Variants in MACF1 observed in about 807,000 individuals in gnomAD.
The protein encoded by MACF1 is microtubule-actin cross-linking factor 1.
In MACF1, 193 loss-of-function variants were observed where a neutral mutation model predicts 854.8. That is an observed-to-expected ratio of 0.23 (90% CI 0.20 to 0.25). MACF1 has a LOEUF of 0.25. Among genes scored for constraint, MACF1 ranks in the 10% least tolerant of loss-of-function variants. The pLI, the probability that MACF1 is intolerant of heterozygous loss-of-function variation, is 1.00. For missense variants in MACF1, 7,722 were observed against 8,929.1 expected (o/e 0.86, Z 5.45); for synonymous variants, 3,185 against 3,226.7 (o/e 0.99, Z 0.44).
intron 2 of MACF1, among the ~76,000 whole-genome samples, chr1:39,107,534 C>T (rs866885960): frequency 2.0e-5 from 3 of 152,232 alleles, no homozygotes; most frequent in South Asian, 2.1e-4. Context: ...AATCTCTCTT[C>T]CCCCCACTGC....
At chr1:39,117,696 C>G (rs1004918788) in intron 2 of MACF1, among the ~76,000 whole-genome samples, 1 of 152,160 alleles carries the variant, frequency 6.6e-6, no homozygotes, top group Non-Finnish European at 1.5e-5. Flanking sequence ...CTGTTAAGAG[C>G]CTCTTTGAAT....
chr1:39,459,288 C>CT, intron 91 of MACF1, 39 bp downstream of exon 91: 1 of 1,575,436 alleles, frequency 6.3e-7, no homozygotes, highest in Non-Finnish European at 8.6e-7. Flanking sequence ...AAACAAAGTG[C>CT]TTTTTTCAAT....
At chr1:39,242,299 G>A (rs1277747099) in intron 2 of MACF1, among the ~76,000 whole-genome samples, 1 of 150,824 alleles carries the variant, frequency 6.6e-6, no homozygotes, top group Non-Finnish European at 1.5e-5. Context: ...GTAATGAGCC[G>A]AGATAGCACC....
chr1:39,295,157 G>C lies in MACF1; in HGVS notation c.2259+7G>C. 1.9e-6 allele frequency: 3 copies of C among 1,610,232 alleles called. No homozygotes were observed. Among genetic ancestry groups the C allele is most frequent in the Non-Finnish European group, 2.5e-6 (3 of 1,176,538 alleles). Reference sequence around the variant, plus strand: ...AGCCAAGCAGACAGTGGAGGTGTGTGACTTGAGAATGTGTGAAGGTCAAAT... The same window carrying C: ...AGCCAAGCAGACAGTGGAGGTGTGTCACTTGAGAATGTGTGAAGGTCAAAT... On this transcript the variant is annotated splice_region_variant and intron_variant, in intron 19 of 100. Coordinates refer to ENST00000564288, the MANE Select transcript of MACF1 (RefSeq NM_001394062.1).
chr1:39,241,659 C>CAAAAAAAA (rs35678466), intron 2 of MACF1, among the ~76,000 whole-genome samples: 2 of 51,478 alleles, frequency 3.9e-5, no homozygotes, highest in Non-Finnish European at 3.6e-5. Flanking sequence ...GACTCCATCT[C>CAAAAAAAA]AAAAAAAAAA....
chr1:39,382,173 G>T, intron 56 of MACF1, 21 bp downstream of exon 56: 2 of 1,606,728 alleles, frequency 1.2e-6, no homozygotes, highest in Non-Finnish European at 1.7e-6. Context: ...TAGCAACAAA[G>T]AAATTGGAAT....
rs71060310 is a variant in MACF1 at position 39,331,172 on chromosome 1, CTTTTTT to C, written c.4615-8_4615-3del. On this transcript the variant is annotated intron_variant, in intron 36 of 100. Transcript: ENST00000564288. The stretch of plus-strand genomic sequence containing the variant: ...TCAGTTTTCTTTTTCTTCTCTTTTC[CTTTTTT>C]TTTTTTTTTTTTTTTTTTTTTTAGG... 333 of 1,302,632 alleles carry C rather than the reference CTTTTTT, an allele frequency of 2.6e-4. No individual in the cohort carries two copies. The African/African-American group carries it at 4.8e-3, about 19-fold the overall frequency. 80.7% of individuals were successfully genotyped at this position (1,302,632 alleles called of 1,614,324 possible). A position where few individuals can be genotyped will look rare whatever the true frequency, so the allele number is the denominator to read the frequency against.
At chr1:39,360,246 T>C (rs565004686) in intron 47 of MACF1, among the ~76,000 whole-genome samples, 71 of 151,386 alleles carry the variant, frequency 4.7e-4, no homozygotes, top group Non-Finnish European at 9.0e-4. Flanking sequence ...CGAAAGATAA[T>C]TATTCTTCCT....
At chr1:39,232,277 G>A (rs74066713) in intron 2 of MACF1, among the ~76,000 whole-genome samples, 2,470 of 151,940 alleles carry the variant, frequency 0.016, 54 homozygotes, top group African/African-American at 0.056. Flanking sequence ...ATAATAATTA[G>A]TGCTTCTCTG....
In MACF1 at chr1:39,385,636, A is replaced by G. The variant is rs777176055; in HGVS notation, c.14051A>G (p.Lys4684Arg). 3 of 1,614,182 alleles carry G rather than the reference A, an allele frequency of 1.9e-6. No individual in the cohort carries two copies. Among genetic ancestry groups the G allele is most frequent in the Middle Eastern group, 1.6e-4 (1 of 6,062 alleles). ...RSSQIDQAIV[K>R]STQYQELLQD... ...AGCCAAATTGACCAAGCTATTGTTA[A>G]GAGCACCCAGTACCAGGAACTGCTC... Residue 4684 changes from lysine (K) to arginine (R), a missense_variant, in exon 57 of 101, where the codon AAG (lysine) becomes AGG (arginine). Transcript: ENST00000564288.
chr1:39,443,494 A>G lies in MACF1; in HGVS notation c.19351A>G (p.Arg6451Gly). Residue 6451 changes from arginine to glycine, a missense_variant, in exon 79 of 101, where the codon AGA (arginine) becomes GGA (glycine). By Grantham distance (125) the Arg-to-Gly change is moderately radical. This residue lies in a region of MACF1 where 729 missense variants were observed against 900.5 expected (regional missense o/e 0.81). Transcript: ENST00000564288. ...EIEDFLLELT[R>G]MESQLSASKP... ...TGAAGATTTCCTCTTGGAACTTACTAGAATGGAGAGCCAGCTTTCTGCATC... is the reference window on the plus strand; with the variant it reads ...TGAAGATTTCCTCTTGGAACTTACTGGAATGGAGAGCCAGCTTTCTGCATC... 1 of 1,613,930 alleles carries G rather than the reference A, an allele frequency of 6.2e-7. No homozygotes were observed. Among genetic ancestry groups the G allele is most frequent in the Non-Finnish European group, 8.5e-7 (1 of 1,179,932 alleles).
rs768300328 is a variant in MACF1, at chr1:39,485,691, G to A, written c.22565G>A (p.Gly7522Asp). The A allele has an allele frequency of 6.2e-7, 1 of 1,613,880 alleles. No homozygotes were observed. The highest frequency in any genetic ancestry group is 8.5e-7 in the Non-Finnish European group (1 of 1,179,990). ...ACTTCAGAAAGCAGCGCTGCAGGGG[G>A]CCAAGGCAACTCCAGGAGAGGGCTA... ...SDTSESSAAGGQGNSRRGLNK... is the reference protein window; with the variant it reads ...SDTSESSAAGDQGNSRRGLNK... The change falls in exon 101 of 101, where the codon GGC becomes GAC. Residue 7522 changes from glycine to aspartate, a missense_variant. This residue lies in a region of MACF1 where 185 missense variants were observed against 225.7 expected (regional missense o/e 0.82). Coordinates refer to ENST00000564288, the MANE Select transcript of MACF1 (RefSeq NM_001394062.1).
rs1274599644 is a variant in MACF1 at position 39,337,323 on chromosome 1, CAGGCCA to C, written c.10211_10215+1del. 6.2e-7 allele frequency: 1 copy of C among 1,613,810 alleles called. No individual in the cohort carries two copies. The highest frequency in any genetic ancestry group is 8.5e-7 in the Non-Finnish European group (1 of 1,179,828). On this transcript the variant is annotated inframe_deletion and splice_region_variant, in exon 38 of 101. Coordinates refer to ENST00000564288, the MANE Select transcript of MACF1 (RefSeq NM_001394062.1). ...GGCAGAACTACAGGATCTGCTGTGT[CAGGCCA>C]AGGTAGGTTCCCAGAGACTTCCACC...
At chr1:39,330,802 CTTTTT>C (rs543557691) in intron 36 of MACF1, among the ~76,000 whole-genome samples, 1 of 139,946 alleles carries the variant, frequency 7.1e-6, no homozygotes, top group African/African-American at 2.6e-5. Context: ...TACTGTAGTA[CTTTTT>C]TTTTTTTTTT....
At chr1:39,141,239 T>C (rs955129412) in intron 2 of MACF1, among the ~76,000 whole-genome samples, 1 of 152,196 alleles carries the variant, frequency 6.6e-6, no homozygotes, top group African/African-American at 2.4e-5. Flanking sequence ...GCATAACTTG[T>C]TGAATATACT....
intron 79 of MACF1, among the ~76,000 whole-genome samples, chr1:39,444,357 C>G (rs1226002702): frequency 1.3e-5 from 2 of 151,854 alleles, no homozygotes; most frequent in Non-Finnish European, 2.9e-5. Flanking sequence ...AGTTTTTCTT[C>G]TATGGGTGAT....
intron 6 of MACF1, among the ~76,000 whole-genome samples, chr1:39,260,829 A>T (rs1292639975): frequency 6.6e-6 from 1 of 152,140 alleles, no homozygotes; most frequent in Non-Finnish European, 1.5e-5. Flanking sequence ...TTGACTTTAT[A>T]TCATTTTTTT....
intron 2 of MACF1, among the ~76,000 whole-genome samples, chr1:39,116,401 TGTGC>T (rs1557463220): frequency 6.6e-6 from 1 of 151,676 alleles, no homozygotes. Context: ...TGTGTGTGTG[TGTGC>T]ACGTGTGTGT....
chr1:39,341,651 C>T (rs1334773411), intron 40 of MACF1, among the ~76,000 whole-genome samples: 3 of 151,830 alleles, frequency 2.0e-5, no homozygotes, highest in Non-Finnish European at 4.4e-5. Flanking sequence ...TGAGCCAAGA[C>T]CGCGCCATTG....
Sources: gnomAD v4.1 joint callset for allele counts (sites outside exome capture counted in the v4.1 genomes callset) on GRCh38, gnomAD v4.1.1 for gene constraint, gnomAD v4.1.1 regional missense constraint, MANE v1.5 for transcripts, NCBI Gene and HGNC (gene_info 2026-07-23, HGNC 2026-07-21) for gene names.